IST1: variants seen among roughly 807,000 people sequenced by gnomAD.
IST1 encodes the protein IST1 factor associated with ESCRT-III.
In IST1, 23 loss-of-function variants were observed where a neutral mutation model predicts 37.0. That is an observed-to-expected ratio of 0.62 (90% CI 0.45 to 0.88). The LOEUF (loss-of-function observed/expected upper bound fraction) is 0.88, where lower values mean the gene tolerates loss of function less well. Among genes scored for constraint, IST1 ranks in the 40% least tolerant of loss-of-function variants. The pLI is 0.00. For missense variants in IST1, 488 were observed against 445.4 expected, an observed-to-expected ratio of 1.10 and a Z score of -0.86; for synonymous variants, 180 against 161.7, an observed-to-expected ratio of 1.11 and a Z score of -0.86.
intron 9 of IST1, among the ~76,000 whole-genome samples, chr16:71,926,626 G>A (rs756410678): frequency 6.6e-6 from 1 of 151,890 alleles, no homozygotes; most frequent in Non-Finnish European, 1.5e-5. Flanking sequence ...GATTACAGGC[G>A]TGAGCCACCA....
intron 1 of IST1, among the ~76,000 whole-genome samples, chr16:71,914,592 C>G (rs931374448): frequency 1.3e-5 from 2 of 152,088 alleles, no homozygotes; most frequent in African/African-American, 4.8e-5. Flanking sequence ...GACATAAATG[C>G]CCCATTTTAA....
chr16:71,929,351 CGTA>C lies in IST1; in HGVS notation c.*1542_*1544del. On this transcript the variant is annotated 3_prime_UTR_variant, in exon 10 of 10. Transcript: ENST00000378799. ...GCTTGGCAGCAGAGCTAGTTTGTCT[CGTA>C]GTATTCTTGCATTGTTAATCCTATC... 1 of 542,654 alleles carries C rather than the reference CGTA, an allele frequency of 1.8e-6. No homozygotes were observed. Among genetic ancestry groups the C allele is most frequent in the South Asian group, 3.0e-5 (1 of 33,382 alleles). The allele number at this position is 542,654 out of a possible 1,614,324, so 33.6% of individuals were successfully genotyped here.
chr16:71,897,168 C>T (rs1340819692), intron 1 of IST1, among the ~76,000 whole-genome samples: 1 of 135,240 alleles, frequency 7.4e-6, no homozygotes, highest in Non-Finnish European at 1.5e-5. Flanking sequence ...AGGCCCACGC[C>T]TGGCTTTTTT....
Position 71,929,984 on chromosome 16 carries a change from T to TA in IST1, c.*2172dup. 6.9e-7 allele frequency: 1 copy of TA among 1,451,758 alleles called. No individual in the cohort carries two copies. The highest frequency in any genetic ancestry group is 9.2e-7 in the Non-Finnish European group (1 of 1,081,632). 89.9% of individuals were successfully genotyped at this position (1,451,758 alleles called of 1,614,324 possible). A position where few individuals can be genotyped will look rare whatever the true frequency, so the allele number is the denominator to read the frequency against. On this transcript the variant is annotated 3_prime_UTR_variant, in exon 10 of 10. Coordinates refer to ENST00000378799, the MANE Select transcript of IST1 (RefSeq NM_001270975.2). ...TATAAATTATGTCAGCCCGTCATCTTAGGGGCAGTTACAGTGGAGCTTTCC... is the reference window on the plus strand; with the variant it reads ...TATAAATTATGTCAGCCCGTCATCTTAAGGGGCAGTTACAGTGGAGCTTTCC...
rs200048569 is a variant in IST1 at position 71,923,276 on chromosome 16, C to T, written c.760-12C>T. ...AGGCAGTGTCTCTGATGTTGCCTTTCTCCTCTTACAGTCAGATTTCAATGG... is the reference window on the plus strand; with the variant it reads ...AGGCAGTGTCTCTGATGTTGCCTTTTTCCTCTTACAGTCAGATTTCAATGG... On this transcript the variant is annotated splice_polypyrimidine_tract_variant and intron_variant, in intron 7 of 9. Transcript: ENST00000378799. 13 of 1,572,434 alleles carry T rather than the reference C, an allele frequency of 8.3e-6. No individual in the cohort carries two copies. In the East Asian group the frequency reaches 2.7e-4, roughly 33 times the overall value.
intron 1 of IST1, among the ~76,000 whole-genome samples, chr16:71,911,298 G>C (rs1318132915): frequency 2.0e-5 from 3 of 151,916 alleles, no homozygotes; most frequent in African/African-American, 7.3e-5. Flanking sequence ...TTGTTCGGCA[G>C]TTATTATCTG....
intron 6 of IST1, 76 bp from the exon 7 acceptor site, chr16:71,922,398 C>G (rs1297579486): frequency 5.7e-6 from 7 of 1,231,436 alleles, no homozygotes; most frequent in Admixed American, 1.8e-5. Flanking sequence ...ATGCTAATCT[C>G]CATCTCAGAC....
chr16:71,895,662 T>G, intron 1 of IST1, 73 bp downstream of exon 1: 2 of 571,298 alleles, frequency 3.5e-6, no homozygotes, highest in Non-Finnish European at 4.4e-6. Flanking sequence ...TAGCGGTCTC[T>G]AGTTAGCGCT....
At chr16:71,916,707 C>T in intron 3 of IST1, 65 bp downstream of exon 3, 2 of 1,373,652 alleles carry the variant, frequency 1.5e-6, no homozygotes, top group Non-Finnish European at 2.0e-6. Flanking sequence ...AATATGATCT[C>T]TTTCTGCATT....
intron 1 of IST1, among the ~76,000 whole-genome samples, chr16:71,914,280 T>C (rs558174534): frequency 2.0e-5 from 3 of 151,470 alleles, no homozygotes; most frequent in African/African-American, 4.9e-5. Flanking sequence ...TGTCTCAGTC[T>C]CCCGAGTAGC....
chr16:71,901,648 A>T (rs770217439), intron 1 of IST1, among the ~76,000 whole-genome samples: 2 of 152,158 alleles, frequency 1.3e-5, no homozygotes, highest in Admixed American at 1.3e-4. Context: ...TAAAATGGGG[A>T]TCTGTTGAAT....
Position 71,927,598 on chromosome 16 carries a change from T to C in IST1, c.902-16T>C. 2 of 1,589,268 alleles carry C rather than the reference T, an allele frequency of 1.3e-6. No homozygotes were observed. The highest frequency in any genetic ancestry group is 1.7e-6 in the Non-Finnish European group (2 of 1,157,502). ...TTCTCTGGTATTTGTAACGTTGTGC[T>C]CCTTGCCCTAATTAGGTCCTGGACC... On this transcript the variant is annotated splice_polypyrimidine_tract_variant and intron_variant, in intron 9 of 9. Transcript: ENST00000378799.
At chr16:71,927,481 T>C in intron 9 of IST1, 133 bp from the exon 10 acceptor site, 2 of 650,352 alleles carry the variant, frequency 3.1e-6, no homozygotes, top group Non-Finnish European at 5.2e-6. Flanking sequence ...AGAGGGAGAC[T>C]GTCTCAAAAA....
In IST1 at chr16:71,913,813, C is replaced by T. The variant is rs557786413; in HGVS notation, c.-15-1813C>T. On this transcript the variant is annotated intron_variant, in intron 1 of 9. Coordinates refer to ENST00000378799, the MANE Select transcript of IST1 (RefSeq NM_001270975.2). The stretch of plus-strand genomic sequence containing the variant: ...ACCACACTCACACCCTACTATTTAG[C>T]TTTTTATTTTTGGATACGGAGTTTC... 5.9e-5 allele frequency among the ~76,000 whole-genome samples: 9 copies of T among 151,982 alleles called. No individual in the cohort carries two copies. In the South Asian group the frequency reaches 1.7e-3, roughly 28 times the overall value.
intron 1 of IST1, among the ~76,000 whole-genome samples, chr16:71,914,522 C>T (rs1438948927): frequency 6.6e-6 from 1 of 152,100 alleles, no homozygotes; most frequent in Admixed American, 6.6e-5. Context: ...TACAGGTAAT[C>T]AGTAAATACT....
intron 5 of IST1, 27 bp from the exon 6 acceptor site, chr16:71,921,316 C>G: frequency 7.0e-7 from 1 of 1,419,072 alleles, no homozygotes; most frequent in Non-Finnish European, 1.0e-6. Flanking sequence ...ATACATGCAT[C>G]TTAGCCCTGG....
chr16:71,920,887 C>G (rs1171856795), intron 5 of IST1, 65 bp downstream of exon 5: 2 of 1,111,648 alleles, frequency 1.8e-6, no homozygotes, highest in African/African-American at 3.1e-5. Context: ...CTGCTTGTGG[C>G]AATTCTAGTG....
At position 71,929,937 on chromosome 16, in the gene IST1, A is replaced by G; in HGVS notation, c.*2124A>G. The stretch of plus-strand genomic sequence containing the variant: ...GCTGGCAGAGCTTTTGAAACTAATA[A>G]AGGGAATATGATACTGTGCATTATA... On this transcript the variant is annotated 3_prime_UTR_variant, in exon 10 of 10. Coordinates refer to ENST00000378799, the MANE Select transcript of IST1 (RefSeq NM_001270975.2). 1 of 1,266,926 alleles carries G rather than the reference A, an allele frequency of 7.9e-7. No homozygotes were observed. The highest frequency in any genetic ancestry group is 1.6e-5 in the South Asian group (1 of 60,810). The allele number at this position is 1,266,926 out of a possible 1,614,324, so 78.5% of individuals were successfully genotyped here.
intron 1 of IST1, among the ~76,000 whole-genome samples, chr16:71,901,049 T>C (rs186922217): frequency 2.4e-4 from 37 of 152,358 alleles, no homozygotes; most frequent in African/African-American, 8.7e-4. Context: ...TTATGTTTGT[T>C]AATGTATATA....
Sources: allele counts gnomAD v4.1 joint callset (sites outside exome capture counted in the v4.1 genomes callset), GRCh38; gene constraint gnomAD v4.1.1; transcripts MANE v1.5; gene names NCBI Gene and HGNC (gene_info 2026-07-23, HGNC 2026-07-21).